Variants in RNF38 observed in about 807,000 individuals in gnomAD.
The protein encoded by RNF38 is E3 ubiquitin-protein ligase RNF38.
A neutral mutation model predicts 67.2 loss-of-function variants in RNF38; 15 were observed. That is an observed-to-expected ratio of 0.22 (90% CI 0.15 to 0.34). The LOEUF (loss-of-function observed/expected upper bound fraction) is 0.34, where lower values mean the gene tolerates loss of function less well. Ranked by LOEUF, RNF38 falls within the 10% of genes least tolerant of loss-of-function variation. The pLI, the probability that RNF38 is intolerant of heterozygous loss-of-function variation, is 1.00. For missense variants in RNF38, 524 were observed against 639.9 expected, an observed-to-expected ratio of 0.82 and a Z score of 1.95; for synonymous variants, 220 against 218.8, an observed-to-expected ratio of 1.01 and a Z score of -0.05.
chr9:36,460,002 A>T (rs1839689621), intron 1 of RNF38, among the ~76,000 whole-genome samples: 1 of 152,198 alleles, frequency 6.6e-6, no homozygotes, highest in East Asian at 1.9e-4. Flanking sequence ...ATGTTTTTCT[A>T]ACTTAAACGA....
chr9:36,349,967 C>T (rs1215946570), intron 9 of RNF38, among the ~76,000 whole-genome samples: 5 of 152,158 alleles, frequency 3.3e-5, no homozygotes, highest in East Asian at 3.9e-4. Flanking sequence ...TACAGGCACC[C>T]GCCACCACGC....
chr9:36,356,187 T>C, intron 6 of RNF38, 116 bp downstream of exon 6: 1 of 958,998 alleles, frequency 1.0e-6, no homozygotes, highest in Non-Finnish European at 1.6e-6. Context: ...CATAGTAACT[T>C]AGGCATTCGT....
intron 4 of RNF38, among the ~76,000 whole-genome samples, chr9:36,361,777 A>G (rs1402041261): frequency 6.6e-6 from 1 of 152,198 alleles, no homozygotes; most frequent in Non-Finnish European, 1.5e-5. Context: ...AAGAAACAAA[A>G]GCTACTTGAT....
chr9:36,432,868 G>A (rs1372152420), intron 1 of RNF38, among the ~76,000 whole-genome samples: 1 of 152,100 alleles, frequency 6.6e-6, no homozygotes, highest in East Asian at 1.9e-4. Flanking sequence ...GTAAGCATGA[G>A]TCATCACTAT....
At chr9:36,371,508 G>A (rs1330103159) in intron 3 of RNF38, among the ~76,000 whole-genome samples, 1 of 147,242 alleles carries the variant, frequency 6.8e-6, no homozygotes, top group Non-Finnish European at 1.5e-5. Context: ...GCAATGGCAC[G>A]ATCTCTCGGC....
chr9:36,357,014 T>C lies in RNF38; in HGVS notation c.739-541A>G, dbSNP rs927925492. Among the ~76,000 whole-genome samples, 3 of 152,194 alleles carry C rather than the reference T, an allele frequency of 2.0e-5. No homozygotes were observed. In the East Asian group the frequency reaches 5.8e-4, roughly 29 times the overall value. ...TCTGTTAAGTTAGTATTGGTATAAG[T>C]GTGCACTTGCTTTAATCTCACATTC... is the stretch of plus-strand genomic sequence containing the variant. On this transcript the variant is annotated intron_variant, in intron 5 of 11. Coordinates refer to ENST00000259605, the MANE Select transcript of RNF38 (RefSeq NM_022781.5).
At chr9:36,344,157 G>C (rs956056572) in intron 10 of RNF38, among the ~76,000 whole-genome samples, 1 of 152,040 alleles carries the variant, frequency 6.6e-6, no homozygotes, top group Non-Finnish European at 1.5e-5. Context: ...TGGGATTACA[G>C]GTGCCTGCCA....
intron 2 of RNF38, among the ~76,000 whole-genome samples, chr9:36,419,590 C>T (rs1350941798): frequency 2.0e-5 from 3 of 152,162 alleles, no homozygotes; most frequent in East Asian, 3.8e-4. Flanking sequence ...GACCTAGTTC[C>T]CCAGCTCAAG....
At chr9:36,429,360 C>G (rs1200493106) in intron 1 of RNF38, among the ~76,000 whole-genome samples, 9 of 152,120 alleles carry the variant, frequency 5.9e-5, no homozygotes, top group African/African-American at 2.2e-4. Context: ...CCCAGGACCC[C>G]CAGTGGATAC....
chr9:36,373,847 A>G (rs1339271903), intron 3 of RNF38, among the ~76,000 whole-genome samples: 2 of 150,500 alleles, frequency 1.3e-5, no homozygotes, highest in Admixed American at 1.3e-4. Context: ...AGTGCAATGC[A>G]CACCCGGCTA....
At chr9:36,439,100 T>C (rs957357817) in intron 1 of RNF38, among the ~76,000 whole-genome samples, 8 of 152,162 alleles carry the variant, frequency 5.3e-5, no homozygotes, top group Non-Finnish European at 7.4e-5. Flanking sequence ...GAGGGGACTA[T>C]TGAATTCAAA....
intron 8 of RNF38, among the ~76,000 whole-genome samples, chr9:36,352,224 T>A (rs1482671779): frequency 6.6e-6 from 1 of 151,604 alleles, no homozygotes; most frequent in African/African-American, 2.4e-5. Flanking sequence ...CGCTGGAACC[T>A]GGGAGGCAGA....
chr9:36,431,235 G>A (rs1159561756), intron 1 of RNF38, among the ~76,000 whole-genome samples: 1 of 152,154 alleles, frequency 6.6e-6, no homozygotes, highest in Non-Finnish European at 1.5e-5. Context: ...TGCATGGTTA[G>A]GTAACTGAAT....
intron 1 of RNF38, among the ~76,000 whole-genome samples, chr9:36,398,274 A>C (rs544271347): frequency 6.6e-6 from 1 of 152,278 alleles, no homozygotes; most frequent in South Asian, 2.1e-4. Flanking sequence ...TAACAAAGGG[A>C]AAGATCTAAG....
At chr9:36,483,374 G>A (rs572894571) in intron 1 of RNF38, among the ~76,000 whole-genome samples, 3 of 147,254 alleles carry the variant, frequency 2.0e-5, no homozygotes, top group East Asian at 1.9e-4. Flanking sequence ...CAACAAGAGC[G>A]AAACTCTGTC....
chr9:36,473,706 T>G (rs114466645), intron 1 of RNF38, among the ~76,000 whole-genome samples: 6,806 of 151,490 alleles, frequency 0.045, 454 homozygotes, highest in African/African-American at 0.15. Context: ...TCAATTTTTG[T>G]CCAGGCGCGG....
intron 2 of RNF38, among the ~76,000 whole-genome samples, chr9:36,380,619 A>C (rs1161006755): frequency 6.6e-6 from 1 of 152,154 alleles, no homozygotes; most frequent in Non-Finnish European, 1.5e-5. Flanking sequence ...AAGTCTCCCA[A>C]GTAGCTGGGA....
chr9:36,382,328 A>G (rs1836273250), intron 2 of RNF38, among the ~76,000 whole-genome samples: 1 of 152,202 alleles, frequency 6.6e-6, no homozygotes, highest in African/African-American at 2.4e-5. Context: ...GGAGGAAGGA[A>G]GGAAAGGCAG....
chr9:36,468,560 T>G (rs10758374), intron 1 of RNF38, among the ~76,000 whole-genome samples: 1 of 152,116 alleles, frequency 6.6e-6, no homozygotes, highest in African/African-American at 2.4e-5. Context: ...GCCTATAATC[T>G]CAGCACTTTG....
Sources: allele counts gnomAD v4.1 joint callset (sites outside exome capture counted in the v4.1 genomes callset), GRCh38; gene constraint gnomAD v4.1.1; transcripts MANE v1.5; gene names NCBI Gene and HGNC (gene_info 2026-07-23, HGNC 2026-07-21).